The following ILDR1 variants were observed in gnomAD, a reference collection of about 807,000 sequenced individuals.
The protein encoded by ILDR1 is immunoglobulin-like domain-containing receptor 1.
ILDR1 carries 56 observed loss-of-function variants against 62.4 expected under a neutral mutation model. The observed-to-expected ratio is 0.90, with a 90% CI of 0.72 to 1.12. The LOEUF (loss-of-function observed/expected upper bound fraction) is 1.12. ILDR1 is among the 50% of genes most tolerant of loss of function. The pLI, the probability that ILDR1 is intolerant of heterozygous loss-of-function variation, is 0.00. For missense variants in ILDR1, 736 were observed against 710.6 expected, an observed-to-expected ratio of 1.04 and a Z score of -0.41; for synonymous variants, 284 against 277.8, an observed-to-expected ratio of 1.02 and a Z score of -0.22.
At chr3:122,010,678 C>T (rs1455053596) in intron 1 of ILDR1, among the ~76,000 whole-genome samples, 2 of 152,126 alleles carry the variant, frequency 1.3e-5, no homozygotes, top group Non-Finnish European at 2.9e-5. Context: ...ATCTCACCAA[C>T]CACAGTTTTA....
the ILDR1 span, among the ~76,000 whole-genome samples, chr3:122,045,639 C>T: frequency 5.3e-5 from 8 of 151,314 alleles, no homozygotes; most frequent in South Asian, 2.1e-4. Context: ...TAGTTAGCTC[C>T]TCTTGTTGAA....
chr3:122,049,898 C>T, the ILDR1 span, among the ~76,000 whole-genome samples: 4 of 152,184 alleles, frequency 2.6e-5, no homozygotes, highest in African/African-American at 9.7e-5. Flanking sequence ...CCTTCTTCCA[C>T]CATGTGAGGT....
intron 5 of ILDR1, among the ~76,000 whole-genome samples, 164 bp downstream of exon 5, chr3:122,001,144 C>G (rs147965995): frequency 6.6e-6 from 1 of 152,318 alleles, no homozygotes; most frequent in Non-Finnish European, 1.5e-5. Flanking sequence ...CTAGCCTCCC[C>G]AGGCATCATT....
intron 1 of ILDR1, among the ~76,000 whole-genome samples, chr3:122,008,724 G>T (rs1473108591): frequency 6.6e-6 from 1 of 151,340 alleles, no homozygotes; most frequent in African/African-American, 2.4e-5. Flanking sequence ...CTCCCAAGTA[G>T]CTGGGATCAC....
chr3:122,006,241 C>T (rs957506929), intron 2 of ILDR1, among the ~76,000 whole-genome samples: 4 of 152,112 alleles, frequency 2.6e-5, no homozygotes, highest in African/African-American at 9.7e-5. Flanking sequence ...CTCACTTTTC[C>T]CTATGAACAG....
chr3:122,036,463 C>A, the ILDR1 span, among the ~76,000 whole-genome samples: 1 of 151,856 alleles, frequency 6.6e-6, no homozygotes, highest in African/African-American at 2.4e-5. Flanking sequence ...GTGGTGGGCA[C>A]CTGTAGTCCC....
At chr3:122,061,175 A>T in the ILDR1 span, among the ~76,000 whole-genome samples, 1 of 152,234 alleles carries the variant, frequency 6.6e-6, no homozygotes, top group Non-Finnish European at 1.5e-5. Flanking sequence ...GTAAAACTGG[A>T]TAAACCTAAA....
At chr3:122,050,952 C>A in the ILDR1 span, among the ~76,000 whole-genome samples, 1 of 152,178 alleles carries the variant, frequency 6.6e-6, no homozygotes, top group African/African-American at 2.4e-5. Context: ...ACTTTTAATA[C>A]CTCATCCCAT....
the ILDR1 span, among the ~76,000 whole-genome samples, chr3:122,058,606 G>A: frequency 5.5e-3 from 838 of 152,248 alleles, 7 homozygotes; most frequent in African/African-American, 0.019. Flanking sequence ...ATAGCTTTGA[G>A]AAGATGCCTA....
At chr3:122,046,400 G>A in the ILDR1 span, among the ~76,000 whole-genome samples, 1 of 150,052 alleles carries the variant, frequency 6.7e-6, no homozygotes, top group Non-Finnish European at 1.5e-5. Context: ...ATGTGTCTTG[G>A]AGTTGTTCTT....
At position 122,007,000 on chromosome 3, in the gene ILDR1, A is replaced by G. The variant is rs1319065229; in HGVS notation, c.220T>C (p.Tyr74His). Reference sequence around the variant, plus strand: ...GGGTAAGGATACTCACACGCTGAGTAGTAGTCAAAGATAGGGTCCTTGCAG... The same window carrying G: ...GGGTAAGGATACTCACACGCTGAGTGGTAGTCAAAGATAGGGTCCTTGCAG... ...SFCKDPIFDY[Y>H]SASYQAALSL... is the part of the protein sequence containing the mutation. The change falls in exon 2 of 8, where the codon TAC becomes CAC. Residue 74 changes from tyrosine (Y) to histidine (H), a missense_variant. Transcript: ENST00000344209. 2 of 1,612,582 alleles carry G rather than the reference A, an allele frequency of 1.2e-6. No homozygotes were observed. The highest frequency in any genetic ancestry group is 1.7e-6 in the Non-Finnish European group (2 of 1,179,862).
At chr3:122,021,412 T>TA (rs1220167749) in intron 1 of ILDR1, among the ~76,000 whole-genome samples, 1 of 151,598 alleles carries the variant, frequency 6.6e-6, no homozygotes, top group Non-Finnish European at 1.5e-5. Context: ...GTGTGGAGGG[T>TA]AAGAGAATGA....
In ILDR1 at chr3:122,014,977, T is replaced by C. The variant is rs1023197287; in HGVS notation, c.58+7043A>G. 5.1e-4 allele frequency among the ~76,000 whole-genome samples: 77 copies of C among 152,262 alleles called. 1 individual carries two copies. Among genetic ancestry groups the C allele is most frequent in the Admixed American group, 4.9e-3 (75 of 15,304 alleles). ...TTTAGGCATGACCAGAACACACACA[T>C]TCATTCATTTATTGAGTACACACTC... On this transcript the variant is annotated intron_variant, in intron 1 of 7. Transcript: ENST00000344209.
At chr3:122,000,833 A>G (rs2071511992) in intron 5 of ILDR1, among the ~76,000 whole-genome samples, 1 of 152,196 alleles carries the variant, frequency 6.6e-6, no homozygotes, top group Non-Finnish European at 1.5e-5. Flanking sequence ...GTGTGCGCTG[A>G]GTAATTCCTT....
At chr3:122,000,731 T>C (rs1253682074) in intron 5 of ILDR1, among the ~76,000 whole-genome samples, 1 of 152,126 alleles carries the variant, frequency 6.6e-6, no homozygotes, top group African/African-American at 2.4e-5. Flanking sequence ...TAGGGGGCAG[T>C]CTTGTGGGAC....
Position 122,005,321 on chromosome 3 carries a change from A to G in ILDR1, c.302T>C (p.Ile101Thr). 1 of 1,613,648 alleles carries G rather than the reference A, an allele frequency of 6.2e-7. No individual in the cohort carries two copies. Among genetic ancestry groups the G allele is most frequent in the Non-Finnish European group, 8.5e-7 (1 of 1,179,952 alleles). Residue 101 changes from isoleucine (I) to threonine (T), a missense_variant, in exon 3 of 8, where the codon ATA becomes ACA. Ile to Thr is a moderately conservative substitution (Grantham distance 89). Coordinates refer to ENST00000344209, the MANE Select transcript of ILDR1 (RefSeq NM_001199799.2). ...DCNDNQREVR[I>T]VAQRRGQNEP... ...ATTCTGCCCCCGCCGCTGGGCCACT[A>G]TGCGAACTTCCCGCTGGTTGTCGTT... is the stretch of plus-strand genomic sequence containing the variant.
Position 122,001,428 on chromosome 3 carries a change from G to A in ILDR1, c.526C>T (p.Leu176=). 6.2e-7 allele frequency: 1 copy of A among 1,614,088 alleles called. No homozygotes were observed. ...LHWLTVIFII[L]GALLLLLLIG... ...AGCAGCAGGAGGAGGAGGGCTCCCA[G>A]GATGATGAAGATCACTGTCAGCCAG... is the stretch of plus-strand genomic sequence containing the variant. Residue 176 remains leucine, a synonymous_variant, in exon 5 of 8, where the codon CTG becomes TTG. Transcript: ENST00000344209.
chr3:122,001,215 TG>T, intron 5 of ILDR1, 92 bp downstream of exon 5: 1 of 1,412,722 alleles, frequency 7.1e-7, no homozygotes, highest in Non-Finnish European at 1.0e-6. Context: ...GAGGAGAACC[TG>T]GAAGAATCTT....
upstream of ILDR1, among the ~76,000 whole-genome samples, chr3:122,024,462 G>T (rs1453090142): frequency 6.6e-6 from 1 of 152,204 alleles, no homozygotes; most frequent in Non-Finnish European, 1.5e-5. Flanking sequence ...ATTAGAATTA[G>T]AATTTCCTTA....
Sources: allele counts gnomAD v4.1 joint callset (sites outside exome capture counted in the v4.1 genomes callset), GRCh38; gene constraint gnomAD v4.1.1; transcripts MANE v1.5; gene names NCBI Gene and HGNC (gene_info 2026-07-23, HGNC 2026-07-21).